The following ZNF423 variants were observed in gnomAD, a reference collection of about 807,000 sequenced individuals.
ZNF423 encodes Ebf-associated zinc finger protein.
In ZNF423, 12 loss-of-function variants were observed where a neutral mutation model predicts 95.8. That is an observed-to-expected ratio of 0.13 (90% CI 0.08 to 0.20). The LOEUF is 0.20. Ranked by LOEUF, ZNF423 falls within the 10% of genes least tolerant of loss-of-function variation. ZNF423 has a pLI of 1.00. For missense variants in ZNF423, 1,316 were observed against 1,737.1 expected, an observed-to-expected ratio of 0.76 and a Z score of 4.31; for synonymous variants, 749 against 711.9, an observed-to-expected ratio of 1.05 and a Z score of -0.83.
At chr16:49,760,974 A>G (rs2033820652) in intron 2 of ZNF423, among the ~76,000 whole-genome samples, 1 of 151,622 alleles carries the variant, frequency 6.6e-6, no homozygotes, top group Non-Finnish European at 1.5e-5. Flanking sequence ...ATGAACACAC[A>G]TATGCATATA....
intron 5 of ZNF423, among the ~76,000 whole-genome samples, chr16:49,567,563 A>G (rs1331582752): frequency 6.6e-6 from 1 of 152,154 alleles, no homozygotes; most frequent in Non-Finnish European, 1.5e-5. Flanking sequence ...GGAATCGGAC[A>G]ACAAGCGGCC....
chr16:49,792,614 A>G (rs992090646), intron 1 of ZNF423, among the ~76,000 whole-genome samples: 1 of 152,196 alleles, frequency 6.6e-6, no homozygotes, highest in African/African-American at 2.4e-5. Flanking sequence ...CTTGGGTGTT[A>G]ATGCGTTTTC....
intron 3 of ZNF423, among the ~76,000 whole-genome samples, chr16:49,646,079 A>G (rs1358398626): frequency 6.6e-6 from 1 of 152,240 alleles, no homozygotes; most frequent in Non-Finnish European, 1.5e-5. Context: ...AGGAATCTCC[A>G]GCCAGATAGG....
chr16:49,746,280 C>T (rs2033523047), intron 2 of ZNF423, among the ~76,000 whole-genome samples: 1 of 152,074 alleles, frequency 6.6e-6, no homozygotes, highest in South Asian at 2.1e-4. Context: ...AAATGTGGGA[C>T]AAAGAGCAGA....
intron 5 of ZNF423, among the ~76,000 whole-genome samples, chr16:49,621,146 G>A (rs1204361424): frequency 6.6e-6 from 1 of 152,152 alleles, no homozygotes. Flanking sequence ...GTGGGGAAAG[G>A]GCGACTGGGC....
intron 5 of ZNF423, among the ~76,000 whole-genome samples, chr16:49,609,420 G>A (rs1447848751): frequency 6.6e-6 from 1 of 152,084 alleles, no homozygotes; most frequent in Non-Finnish European, 1.5e-5. Flanking sequence ...TTATCTAATG[G>A]GGAGTTTAAA....
intron 2 of ZNF423, among the ~76,000 whole-genome samples, chr16:49,783,668 C>G (rs556377334): frequency 1.3e-5 from 2 of 151,554 alleles, no homozygotes; most frequent in Non-Finnish European, 2.9e-5. Context: ...GGCTGTGATG[C>G]GCAGAATAAA....
intron 5 of ZNF423, among the ~76,000 whole-genome samples, chr16:49,576,873 T>C (rs1464055221): frequency 6.6e-6 from 1 of 152,218 alleles, no homozygotes; most frequent in Non-Finnish European, 1.5e-5. Context: ...GTGAAAGGCC[T>C]TTACCTTTTT....
rs530238393 is a variant in ZNF423 at position 49,582,930 on chromosome 16, A to G, written c.3601+43240T>C. Among the ~76,000 whole-genome samples the G allele has an allele frequency of 2.0e-5, 3 of 152,366 alleles. No individual in the cohort carries two copies. The East Asian group carries it at 5.8e-4, about 29-fold the overall frequency. ...ACTTTCTAAATGACCCATACTCCCT[A>G]TCCATATGTGAATATCTTGCTGACA... On this transcript the variant is annotated intron_variant, in intron 5 of 7. Transcript: ENST00000563137.
At chr16:49,854,240 G>C in intron 1 of ZNF423, 1 of 985,424 alleles carries the variant, frequency 1.0e-6, no homozygotes, top group African/African-American at 1.7e-5. Context: ...TTCTCTCAGG[G>C]AAAAGGAGGA....
rs764865276 is a variant in ZNF423, at chr16:49,491,204, A to G, written c.*71T>C. The stretch of plus-strand genomic sequence containing the variant: ...GCAAATGACACTTTGATTGGATGTA[A>G]TGTTCAAATGGCCCTCCCCACGGCG... On this transcript the variant is annotated 3_prime_UTR_variant, in exon 8 of 8. Transcript: ENST00000563137. 253 of 1,588,284 alleles carry G rather than the reference A, an allele frequency of 1.6e-4. No homozygotes were observed. Among genetic ancestry groups the G allele is most frequent in the Non-Finnish European group, 2.1e-4 (242 of 1,157,068 alleles).
At position 49,633,279 on chromosome 16, in the gene ZNF423, T is replaced by C. The variant is rs1972564594; in HGVS notation, c.3516+2381A>G. ...ACTCCTCAATGAGTGTGGATTGCCATTGTAAAAGGGAAAAATATCAGCGAC... is the reference window on the plus strand; with the variant it reads ...ACTCCTCAATGAGTGTGGATTGCCACTGTAAAAGGGAAAAATATCAGCGAC... On this transcript the variant is annotated intron_variant, in intron 4 of 7. Coordinates refer to ENST00000563137, the MANE Select transcript of ZNF423 (RefSeq NM_001379286.1). 2.0e-5 allele frequency among the ~76,000 whole-genome samples: 3 copies of C among 152,220 alleles called. 1 individual carries two copies. In the South Asian group the frequency reaches 6.2e-4, roughly 32 times the overall value.
At position 49,537,528 on chromosome 16, in the gene ZNF423, C is replaced by A. The variant is rs576084815; in HGVS notation, c.3602-12034G>T. On this transcript the variant is annotated intron_variant, in intron 5 of 7. Coordinates refer to ENST00000563137, the MANE Select transcript of ZNF423 (RefSeq NM_001379286.1). ...GAATACATTCAAATCAATGATACTC[C>A]TTCCAAGTAGTCACATGATTGCGAC... 2.6e-5 allele frequency among the ~76,000 whole-genome samples: 4 copies of A among 152,308 alleles called. No homozygotes were observed. The East Asian group carries it at 7.7e-4, about 29-fold the overall frequency.
chr16:49,753,115 GAGCCTGT>G (rs5816657), intron 2 of ZNF423, among the ~76,000 whole-genome samples: 23,372 of 151,816 alleles, frequency 0.15, 1,880 homozygotes, highest in South Asian at 0.26. Context: ...GTGGTGGCGT[GAGCCTGT>G]AGTCCCAGCT....
chr16:49,664,266 CCG>C, intron 3 of ZNF423: 3 of 985,544 alleles, frequency 3.0e-6, no homozygotes, highest in Non-Finnish European at 3.6e-6. Flanking sequence ...GCCGCCTGGG[CCG>C]GCGGAGAAGG....
chr16:49,828,754 C>T (rs541148464), intron 1 of ZNF423, among the ~76,000 whole-genome samples: 14 of 152,154 alleles, frequency 9.2e-5, no homozygotes, highest in African/African-American at 3.1e-4. Context: ...ACTACAGTCC[C>T]GCCCACGCAC....
chr16:49,804,095 C>A (rs2034624785), intron 1 of ZNF423, among the ~76,000 whole-genome samples: 1 of 151,954 alleles, frequency 6.6e-6, no homozygotes, highest in Admixed American at 6.6e-5. Flanking sequence ...GCCACTACGC[C>A]CAGCTAATTT....
intron 3 of ZNF423, among the ~76,000 whole-genome samples, chr16:49,659,727 G>A (rs746886205): frequency 6.6e-6 from 1 of 152,222 alleles, no homozygotes; most frequent in Non-Finnish European, 1.5e-5. Flanking sequence ...GGGGCTTCAG[G>A]TGCCCACCGC....
At chr16:49,618,839 C>T (rs1394591114) in intron 5 of ZNF423, among the ~76,000 whole-genome samples, 2 of 152,228 alleles carry the variant, frequency 1.3e-5, no homozygotes, top group South Asian at 2.1e-4. Flanking sequence ...TTCTCCCCCT[C>T]CCATGTCCAC....
Sources: allele counts gnomAD v4.1 joint callset (sites outside exome capture counted in the v4.1 genomes callset), GRCh38; gene constraint gnomAD v4.1.1; transcripts MANE v1.5; gene names NCBI Gene and HGNC (gene_info 2026-07-23, HGNC 2026-07-21).